Variants in CAPN5 observed in about 807,000 individuals in gnomAD.
CAPN5 encodes calpain-5.
CAPN5 carries 54 observed loss-of-function variants against 73.0 expected under a neutral mutation model. That is an observed-to-expected ratio of 0.74 (90% confidence interval 0.59 to 0.93). The LOEUF is 0.93. CAPN5 is among the 40% of genes least tolerant of loss of function. The pLI, the probability that CAPN5 is intolerant of heterozygous loss-of-function variation, is 0.00. For synonymous variants in CAPN5, 335 were observed against 356.9 expected (o/e 0.94, Z 0.69); for missense variants, 785 against 882.9 (o/e 0.89, Z 1.41).
chr11:77,097,383 G>C (rs1488310452), intron 3 of CAPN5, among the ~76,000 whole-genome samples: 4 of 149,486 alleles, frequency 2.7e-5, no homozygotes, highest in Non-Finnish European at 4.4e-5. Context: ...GCTTGAAAAA[G>C]TACAAGGATG....
At chr11:77,121,780 G>A (rs1443033322) in intron 10 of CAPN5, among the ~76,000 whole-genome samples, 154 bp from the exon 11 acceptor site, 1 of 152,158 alleles carries the variant, frequency 6.6e-6, no homozygotes, top group African/African-American at 2.4e-5. Context: ...GCTTGGAGCT[G>A]GGGACTGCCC....
At chr11:77,097,466 T>TTTTTG (rs1201861028) in intron 3 of CAPN5, among the ~76,000 whole-genome samples, 6 of 118,056 alleles carry the variant, frequency 5.1e-5, no homozygotes, top group African/African-American at 1.2e-4. Flanking sequence ...TCCTTCTAGT[T>TTTTTG]TTTTTTTTTT....
chr11:77,071,197 ACT>A (rs1318365908), intron 1 of CAPN5, among the ~76,000 whole-genome samples: 1 of 151,792 alleles, frequency 6.6e-6, no homozygotes, highest in Non-Finnish European at 1.5e-5. Flanking sequence ...CCAGGAGGTC[ACT>A]CACAATGTCT....
chr11:77,120,716 G>C lies in CAPN5; in HGVS notation c.1294G>C (p.Glu432Gln), dbSNP rs1555042622. 6.2e-7 allele frequency: 1 copy of C among 1,602,214 alleles called. No homozygotes were observed. The highest frequency in any genetic ancestry group is 1.7e-5 in the Admixed American group (1 of 59,696). Residue 432 changes from glutamate (E) to glutamine (Q), a missense_variant, in exon 10 of 13, where the codon GAG becomes CAG. By Grantham distance (29) the Glu-to-Gln change is conservative. Coordinates refer to ENST00000648180, the MANE Select transcript of CAPN5 (RefSeq NM_004055.5). ...CAGCCCCTCCCGCCTCCTGCAGGTG[G>C]AGGAGAACCGCCAGTACCGCATGCA... ...LAIGFDIYKV[E>Q]ENRQYRMHSL...
chr11:77,096,195 T>A (rs930516081), intron 3 of CAPN5, among the ~76,000 whole-genome samples: 1 of 152,042 alleles, frequency 6.6e-6, no homozygotes, highest in South Asian at 2.1e-4. Context: ...CACCTCACAC[T>A]TGGGGATTCT....
At chr11:77,102,388 G>A (rs929678999) in intron 3 of CAPN5, among the ~76,000 whole-genome samples, 2 of 152,198 alleles carry the variant, frequency 1.3e-5, no homozygotes, top group Non-Finnish European at 2.9e-5. Context: ...CTCTGGTCCT[G>A]CCTTCTCCAC....
chr11:77,118,098 G>T (rs368679723), intron 7 of CAPN5, 59 bp from the exon 8 acceptor site: 2 of 1,494,912 alleles, frequency 1.3e-6, no homozygotes, highest in African/African-American at 1.4e-5. Context: ...TGGGCTGGGG[G>T]GCCAAGAGCC....
chr11:77,069,577 G>T (rs1346778644), intron 1 of CAPN5, among the ~76,000 whole-genome samples: 1 of 152,110 alleles, frequency 6.6e-6, no homozygotes, highest in Non-Finnish European at 1.5e-5. Flanking sequence ...GCATGTAAAG[G>T]TTGAACAGAA....
chr11:77,098,254 C>A (rs1270956209), intron 3 of CAPN5, among the ~76,000 whole-genome samples: 4 of 89,840 alleles, frequency 4.5e-5, no homozygotes, highest in Non-Finnish European at 8.9e-5. Flanking sequence ...CCCTCCCGGA[C>A]GGGGCGTCTG....
At chr11:77,114,513 C>G (rs142543154) in intron 5 of CAPN5, 79 bp downstream of exon 5, 8 of 1,325,736 alleles carry the variant, frequency 6.0e-6, no homozygotes, top group South Asian at 3.6e-5. Context: ...TGTGACATCC[C>G]ACGCTCAGGT....
At position 77,089,761 on chromosome 11, in the gene CAPN5, C is replaced by T. The variant is rs1452190605; in HGVS notation, c.166-3921C>T. Reference sequence around the variant, plus strand: ...TGGTGGCAGGTGCCTGTAGTCCCAGCTACTCTAGAGGCTAAGGCAGGAGAA... The same window carrying T: ...TGGTGGCAGGTGCCTGTAGTCCCAGTTACTCTAGAGGCTAAGGCAGGAGAA... On this transcript the variant is annotated intron_variant, in intron 2 of 12. Coordinates refer to ENST00000648180, the MANE Select transcript of CAPN5 (RefSeq NM_004055.5). 2.6e-5 allele frequency among the ~76,000 whole-genome samples: 4 copies of T among 152,144 alleles called. No individual in the cohort carries two copies. The South Asian group carries it at 6.2e-4, about 24-fold the overall frequency.
At chr11:77,079,819 G>C (rs1305786557) in intron 1 of CAPN5, among the ~76,000 whole-genome samples, 1 of 151,046 alleles carries the variant, frequency 6.6e-6, no homozygotes, top group Non-Finnish European at 1.5e-5. Context: ...GTGTGTCTGT[G>C]TGTGTGTTTC....
Position 77,121,943 on chromosome 11 carries a change from C to A in CAPN5, c.1497C>A (p.Arg499=). 1 of 1,547,380 alleles carries A rather than the reference C, an allele frequency of 6.5e-7. No homozygotes were observed. Among genetic ancestry groups the A allele is most frequent in the South Asian group, 1.2e-5 (1 of 83,242 alleles). Residue 499 remains arginine (R), a synonymous_variant, in exon 11 of 13, where the codon CGC becomes CGA. Transcript: ENST00000648180. ...TGCCGCCCCATATCAGGGAGCTGCG[C>A]CTGGATGAGCCCCCACACACCTGCT... ...TDVPSNCREL[R]LDEPPHTCWS... is the part of the protein sequence containing the mutation.
At chr11:77,114,601 C>T (rs1046762942) in intron 5 of CAPN5, among the ~76,000 whole-genome samples, 167 bp downstream of exon 5, 1 of 152,212 alleles carries the variant, frequency 6.6e-6, no homozygotes, top group African/African-American at 2.4e-5. Flanking sequence ...CCCAGACCCT[C>T]TAGGCTGTGA....
intron 9 of CAPN5, 170 bp from the exon 10 acceptor site, chr11:77,120,543 C>T: frequency 3.7e-6 from 2 of 539,060 alleles, no homozygotes; most frequent in Middle Eastern, 4.8e-4. Flanking sequence ...CTCTTCCCTT[C>T]AGCCCTGGGC....
In CAPN5 at chr11:77,116,321, C is replaced by A. The variant is rs781929811; in HGVS notation, c.971+18C>A. On this transcript the variant is annotated intron_variant, in intron 7 of 12. Transcript: ENST00000648180. ...GAGTTCTGGTGAGTGTGTATGTGCCCTGGGCGTCCGGGGCTGAGGGGGCTT... is the reference window on the plus strand; with the variant it reads ...GAGTTCTGGTGAGTGTGTATGTGCCATGGGCGTCCGGGGCTGAGGGGGCTT... The A allele has an allele frequency of 3.6e-5, 58 of 1,605,642 alleles. 1 individual carries two copies. In the South Asian group the frequency reaches 5.6e-4, roughly 15 times the overall value.
chr11:77,112,095 G>A (rs1303714980), intron 3 of CAPN5, among the ~76,000 whole-genome samples: 2 of 152,298 alleles, frequency 1.3e-5, no homozygotes, highest in South Asian at 4.1e-4. Context: ...CCTGGGCGAG[G>A]AGATGGGGGA....
chr11:77,118,929 A>T, intron 8 of CAPN5, 101 bp from the exon 9 acceptor site: 1 of 1,322,376 alleles, frequency 7.6e-7, no homozygotes, highest in Non-Finnish European at 1.1e-6. Flanking sequence ...AGGTGCTGTG[A>T]CTGGTCCAGG....
intron 12 of CAPN5, 67 bp from the exon 13 acceptor site, chr11:77,123,621 C>A (rs1297480446): frequency 1.4e-5 from 19 of 1,347,668 alleles, no homozygotes; most frequent in Non-Finnish European, 2.0e-5. Flanking sequence ...ACCAGCACCC[C>A]CCATAGACCT....
Sources: gnomAD v4.1 joint callset for allele counts (sites outside exome capture counted in the v4.1 genomes callset) on GRCh38, gnomAD v4.1.1 for gene constraint, MANE v1.5 for transcripts, NCBI Gene and HGNC (gene_info 2026-07-23, HGNC 2026-07-21) for gene names.